STXBP5L: variants seen among roughly 807,000 people sequenced by gnomAD.
STXBP5L encodes syntaxin binding protein 5L.
In STXBP5L, 65 loss-of-function variants were observed where a neutral mutation model predicts 144.5. The observed-to-expected ratio is 0.45, with a 90% CI of 0.37 to 0.55. The LOEUF is 0.55. Ranked by LOEUF, STXBP5L falls within the 20% of genes least tolerant of loss-of-function variation. The probability of loss-of-function intolerance (pLI) is 0.00; values close to 1 mark genes in which losing one functional copy is unlikely to be tolerated. For synonymous variants in STXBP5L, 505 were observed against 469.6 expected (o/e 1.08, Z -0.97); for missense variants, 1,298 against 1,405.5 (o/e 0.92, Z 1.22).
intron 16 of STXBP5L, 113 bp downstream of exon 16, chr3:121,255,225 T>C (rs2050166074): frequency 3.0e-6 from 2 of 667,610 alleles, no homozygotes; most frequent in Admixed American, 3.7e-5. Context: ...ATGTGGCTAG[T>C]AATACAATTC....
intron 7 of STXBP5L, among the ~76,000 whole-genome samples, chr3:121,130,919 G>A (rs181747407): frequency 3.9e-5 from 6 of 151,998 alleles, no homozygotes; most frequent in African/African-American, 1.2e-4. Context: ...ACAATTTGTA[G>A]TCTTTAAATC....
intron 9 of STXBP5L, among the ~76,000 whole-genome samples, chr3:121,190,067 T>A (rs2047577509): frequency 1.3e-5 from 2 of 152,112 alleles, no homozygotes; most frequent in African/African-American, 4.8e-5. Flanking sequence ...TTTTTAATTT[T>A]TTTAGTATTT....
chr3:121,127,992 C>T (rs761454608), intron 7 of STXBP5L, among the ~76,000 whole-genome samples: 1 of 152,058 alleles, frequency 6.6e-6, no homozygotes. Flanking sequence ...AGAATCAGAT[C>T]TCAGATCTCA....
At chr3:120,979,357 T>C (rs1413692117) in intron 3 of STXBP5L, among the ~76,000 whole-genome samples, 1 of 152,162 alleles carries the variant, frequency 6.6e-6, no homozygotes, top group East Asian at 1.9e-4. Context: ...GAGCCAGGTG[T>C]GGGATATAAT....
intron 3 of STXBP5L, among the ~76,000 whole-genome samples, chr3:120,976,429 C>T (rs1216504173): frequency 6.6e-6 from 1 of 151,990 alleles, no homozygotes; most frequent in African/African-American, 2.4e-5. Flanking sequence ...TTTGATTCTT[C>T]TCTCTTTTCT....
chr3:121,380,771 G>A (rs1203872363), intron 21 of STXBP5L, among the ~76,000 whole-genome samples: 2 of 152,070 alleles, frequency 1.3e-5, no homozygotes, highest in Admixed American at 1.3e-4. Flanking sequence ...TGGTAGAAAT[G>A]TTAATTTTTA....
At chr3:121,208,958 C>T (rs2048446846) in intron 10 of STXBP5L, among the ~76,000 whole-genome samples, 1 of 152,014 alleles carries the variant, frequency 6.6e-6, no homozygotes, top group Non-Finnish European at 1.5e-5. Flanking sequence ...GTGATGTTCC[C>T]CTCCCTATGT....
chr3:120,928,760 G>A (rs1285823613), intron 2 of STXBP5L, among the ~76,000 whole-genome samples: 1 of 151,758 alleles, frequency 6.6e-6, no homozygotes, highest in South Asian at 2.1e-4. Context: ...TGAGTAGTAG[G>A]TAGAGAGAAA....
chr3:120,929,387 G>A (rs375171820), intron 2 of STXBP5L, among the ~76,000 whole-genome samples: 13 of 152,072 alleles, frequency 8.5e-5, no homozygotes, highest in East Asian at 5.8e-4. Context: ...TTATATTTTG[G>A]TATGTGTTAT....
rs141137332 is a variant in STXBP5L at position 121,185,695 on chromosome 3, C to T, written c.878-20228C>T. On this transcript the variant is annotated intron_variant, in intron 9 of 26. Transcript: ENST00000471454. ...TACCAGTGCCATACTGTTTTGGTTACTATAGCCTTGTAGCATAGTTCAAAG... is the reference window on the plus strand; with the variant it reads ...TACCAGTGCCATACTGTTTTGGTTATTATAGCCTTGTAGCATAGTTCAAAG... 5.6e-4 allele frequency among the ~76,000 whole-genome samples: 85 copies of T among 152,316 alleles called. 1 individual carries two copies. The East Asian group carries it at 0.015, about 26-fold the overall frequency.
rs183204942 is a variant in STXBP5L, at chr3:120,987,568, T to C, written c.287+32531T>C. ...TTATTTTCTTTCATTTCTTAACTTG[T>C]ATTTTCACCCTCTTAACTTGACAGG... On this transcript the variant is annotated intron_variant, in intron 3 of 26. Transcript: ENST00000471454. 3.5e-3 allele frequency among the ~76,000 whole-genome samples: 538 copies of C among 152,038 alleles called. 14 individuals are homozygous for C. The highest frequency in any genetic ancestry group is 9.4e-4 in the Non-Finnish European group (64 of 67,838).
intron 18 of STXBP5L, among the ~76,000 whole-genome samples, chr3:121,278,322 T>C (rs2050947302): frequency 6.6e-6 from 1 of 151,984 alleles, no homozygotes; most frequent in Admixed American, 6.6e-5. Flanking sequence ...GGAGATTAAA[T>C]CTTTTCTCTT....
chr3:121,262,335 A>T (rs2050410549), intron 18 of STXBP5L, among the ~76,000 whole-genome samples: 1 of 152,230 alleles, frequency 6.6e-6, no homozygotes, highest in African/African-American at 2.4e-5. Context: ...AAGTCTCATC[A>T]AAATATCATC....
At chr3:121,380,574 G>A (rs1301820273) in intron 21 of STXBP5L, among the ~76,000 whole-genome samples, 1 of 151,940 alleles carries the variant, frequency 6.6e-6, no homozygotes, top group African/African-American at 2.4e-5. Flanking sequence ...TTGATGAGAG[G>A]AGAACCTGAA....
intron 20 of STXBP5L, among the ~76,000 whole-genome samples, chr3:121,338,609 AGAGAG>A (rs1447875264): frequency 7.4e-6 from 1 of 135,820 alleles, no homozygotes; most frequent in African/African-American, 3.0e-5. Flanking sequence ...AAAAAAAAAA[AGAGAG>A]AAAGAGAGAA....
chr3:121,411,012 T>C (rs549550295), intron 23 of STXBP5L, among the ~76,000 whole-genome samples: 4 of 152,100 alleles, frequency 2.6e-5, no homozygotes, highest in Non-Finnish European at 5.9e-5. Context: ...GAATCTGTCA[T>C]GGAAATCTGT....
chr3:121,049,382 C>T (rs181628421), intron 5 of STXBP5L, among the ~76,000 whole-genome samples: 1 of 152,144 alleles, frequency 6.6e-6, no homozygotes, highest in East Asian at 1.9e-4. Flanking sequence ...GGTCAGGAGG[C>T]CTTGCTCAGT....
intron 20 of STXBP5L, among the ~76,000 whole-genome samples, chr3:121,354,892 G>T (rs1299833610): frequency 6.6e-6 from 1 of 152,148 alleles, no homozygotes; most frequent in African/African-American, 2.4e-5. Context: ...GCTTGGTGGT[G>T]ACAAAATCTC....
At chr3:120,946,765 A>C (rs1164344072) in intron 2 of STXBP5L, among the ~76,000 whole-genome samples, 1 of 151,756 alleles carries the variant, frequency 6.6e-6, no homozygotes, top group Non-Finnish European at 1.5e-5. Context: ...CTAAAACTAC[A>C]CTAAAATATT....
Sources: allele counts gnomAD v4.1 joint callset (sites outside exome capture counted in the v4.1 genomes callset), GRCh38; gene constraint gnomAD v4.1.1; transcripts MANE v1.5; gene names NCBI Gene and HGNC (gene_info 2026-07-23, HGNC 2026-07-21).